RCOR1: variants seen among roughly 807,000 people sequenced by gnomAD.
The protein encoded by RCOR1 is REST corepressor.
A neutral mutation model predicts 64.0 loss-of-function variants in RCOR1; 12 were observed. The ratio of observed to expected loss-of-function variants is 0.19; its 90% CI spans 0.12 to 0.30. The LOEUF is 0.30. RCOR1 is among the 10% of genes least tolerant of loss of function. The pLI is 1.00. For missense variants in RCOR1, 502 were observed against 621.2 expected (o/e 0.81, Z 2.04); for synonymous variants, 279 against 227.2 (o/e 1.23, Z -2.05).
At chr14:102,593,773 GCTC>G (rs1324904556) in intron 2 of RCOR1, among the ~76,000 whole-genome samples, 8 of 152,164 alleles carry the variant, frequency 5.3e-5, no homozygotes, top group Non-Finnish European at 1.2e-4. Flanking sequence ...CCACGCCTTT[GCTC>G]CTCCTCTCAG....
chr14:102,647,328 TCTTTTTTGAGATGGAGTCTCG>T (rs1894497266), intron 2 of RCOR1, among the ~76,000 whole-genome samples: 1 of 152,134 alleles, frequency 6.6e-6, no homozygotes, highest in African/African-American at 2.4e-5. Flanking sequence ...TTTTTTTTCT[TCTTTTTTGAGATGGAGTCTCG>T]CTCTTTCGCT....
In RCOR1 at chr14:102,606,843, G is replaced by T. The variant is rs1472909597; in HGVS notation, c.361+13518G>T. 4.6e-5 allele frequency among the ~76,000 whole-genome samples: 7 copies of T among 151,396 alleles called. 1 individual carries two copies. Among genetic ancestry groups the T allele is most frequent in the Admixed American group, 3.3e-4 (5 of 15,108 alleles). ...ATAAACTCGTCAGAGCTAAATAGGG[G>T]CTGAATTTTCTAAGAATATGTGCTT... On this transcript the variant is annotated intron_variant, in intron 2 of 11. Coordinates refer to ENST00000262241, the MANE Select transcript of RCOR1 (RefSeq NM_015156.4).
intron 2 of RCOR1, among the ~76,000 whole-genome samples, chr14:102,677,979 A>C (rs1895224372): frequency 6.6e-6 from 1 of 150,826 alleles, no homozygotes; most frequent in Non-Finnish European, 1.5e-5. Flanking sequence ...CTGGCGGATC[A>C]CTCGCGGTTA....
chr14:102,668,175 C>G (rs950326438), intron 2 of RCOR1, among the ~76,000 whole-genome samples: 1 of 152,166 alleles, frequency 6.6e-6, no homozygotes, highest in African/African-American at 2.4e-5. Flanking sequence ...ACATCACATC[C>G]TCTCTTCTGT....
chr14:102,713,860 TG>T (rs981147248), intron 7 of RCOR1, among the ~76,000 whole-genome samples: 1 of 152,246 alleles, frequency 6.6e-6, no homozygotes, highest in African/African-American at 2.4e-5. Flanking sequence ...AAAAACTTCT[TG>T]TTCTTAAAAT....
Position 102,721,381 on chromosome 14 carries a change from G to T in RCOR1, c.1189+4G>T. The T allele has an allele frequency of 1.2e-6, 2 of 1,611,934 alleles. No homozygotes were observed. Among genetic ancestry groups the T allele is most frequent in the South Asian group, 2.2e-5 (2 of 90,970 alleles). ...GAGCAGCTTCTCGCCGTACAAGGTA[G>T]GGGGAAGTTCTTCTAAAGAGTTTAG... On this transcript the variant is annotated splice_donor_region_variant and intron_variant, in intron 10 of 11. Coordinates refer to ENST00000262241, the MANE Select transcript of RCOR1 (RefSeq NM_015156.4).
intron 2 of RCOR1, among the ~76,000 whole-genome samples, chr14:102,641,078 C>G (rs1288917538): frequency 1.3e-5 from 2 of 151,622 alleles, no homozygotes; most frequent in African/African-American, 4.9e-5. Context: ...ATGTTGAAAC[C>G]CCATCTCTAC....
Position 102,727,550 on chromosome 14 carries a change from C to T in RCOR1, c.*1044C>T, listed in dbSNP as rs926251231. The T allele has an allele frequency of 8.6e-5, 13 of 151,888 alleles. No homozygotes were observed. Among genetic ancestry groups the T allele is most frequent in the African/African-American group, 2.9e-4 (12 of 41,262 alleles). The allele number at this position is 151,888 out of a possible 1,614,324, so 9.4% of individuals were successfully genotyped here. A position where few individuals can be genotyped will look rare whatever the true frequency, so the allele number is the denominator to read the frequency against. ...AGCTGGCGCTGGTTTATGAAAGCTG[C>T]GCGTTGTTCCGCGTTCTCTCGGTGT... is the stretch of plus-strand genomic sequence containing the variant. On this transcript the variant is annotated 3_prime_UTR_variant, in exon 12 of 12. Transcript: ENST00000262241.
chr14:102,676,288 CGGG>C (rs1895150366), intron 2 of RCOR1, among the ~76,000 whole-genome samples: 1 of 144,896 alleles, frequency 6.9e-6, no homozygotes, highest in Non-Finnish European at 1.5e-5. Flanking sequence ...TAGGGGCGGC[CGGG>C]CAGAAGCGCC....
At chr14:102,641,715 G>A (rs1306740827) in intron 2 of RCOR1, among the ~76,000 whole-genome samples, 4 of 152,184 alleles carry the variant, frequency 2.6e-5, no homozygotes, top group Admixed American at 6.5e-5. Flanking sequence ...ACTCATATAA[G>A]GAAAGTGACG....
At chr14:102,623,426 T>TTTA (rs1567411696) in intron 2 of RCOR1, among the ~76,000 whole-genome samples, 5 of 130,698 alleles carry the variant, frequency 3.8e-5, no homozygotes, top group Admixed American at 1.5e-4. Context: ...TTATTTATTT[T>TTTA]GAGACGGAGT....
chr14:102,673,334 A>ATTT lies in RCOR1; in HGVS notation c.362-8543_362-8541dup, dbSNP rs34576884. Among the ~76,000 whole-genome samples, 4 of 127,538 alleles carry ATTT rather than the reference A, an allele frequency of 3.1e-5. No homozygotes were observed. In the South Asian group the frequency reaches 7.5e-4, roughly 24 times the overall value. The allele number at this position is 127,538 out of a possible 152,430, so 83.7% of individuals were successfully genotyped here. A position where few individuals can be genotyped will look rare whatever the true frequency, so the allele number is the denominator to read the frequency against. On this transcript the variant is annotated intron_variant, in intron 2 of 11. Transcript: ENST00000262241. Reference sequence around the variant, plus strand: ...CATACCACGGTTTATCCAATCCCTGATTTTTTTTTTTTTTTTTTTTAAGAC... The same window carrying ATTT: ...CATACCACGGTTTATCCAATCCCTGATTTTTTTTTTTTTTTTTTTTTTTAAGAC...
chr14:102,658,980 G>T, intron 2 of RCOR1: 1 of 365,806 alleles, frequency 2.7e-6, no homozygotes, highest in Non-Finnish European at 3.8e-6. Context: ...TTATTTTTTT[G>T]GAAACAAGTT....
Position 102,627,509 on chromosome 14 carries a change from T to A in RCOR1, c.361+34184T>A, listed in dbSNP as rs2139906116. On this transcript the variant is annotated intron_variant, in intron 2 of 11. Coordinates refer to ENST00000262241, the MANE Select transcript of RCOR1 (RefSeq NM_015156.4). ...CCATCTCTACTAAAAATACAAAAAT[T>A]AGCTGGGCGTGGTGGCGGGTGCCTG... Among the ~76,000 whole-genome samples the A allele has an allele frequency of 1.3e-5, 2 of 152,158 alleles. 1 individual carries two copies. The highest frequency in any genetic ancestry group is 4.2e-4 in the South Asian group (2 of 4,818).
intron 2 of RCOR1, among the ~76,000 whole-genome samples, chr14:102,597,628 C>CTGTT (rs1893287110): frequency 2.2e-5 from 1 of 44,950 alleles, no homozygotes; most frequent in South Asian, 1.5e-3. Flanking sequence ...TGCGCCCGAC[C>CTGTT]TTTTTTTTTT....
intron 2 of RCOR1, among the ~76,000 whole-genome samples, chr14:102,670,005 C>T (rs1249102293): frequency 6.6e-6 from 1 of 152,188 alleles, no homozygotes; most frequent in Non-Finnish European, 1.5e-5. Flanking sequence ...GGCTGGAGTG[C>T]AGTGGTGTGA....
chr14:102,678,186 G>A (rs945887564), intron 2 of RCOR1, among the ~76,000 whole-genome samples: 8 of 152,004 alleles, frequency 5.3e-5, no homozygotes, highest in East Asian at 3.9e-4. Flanking sequence ...ATCAGAGGGA[G>A]ACCGTGGAAG....
At chr14:102,631,024 A>G (rs1180167153) in intron 2 of RCOR1, among the ~76,000 whole-genome samples, 1 of 152,068 alleles carries the variant, frequency 6.6e-6, no homozygotes, top group African/African-American at 2.4e-5. Context: ...CAGGGCAAAC[A>G]TTCCCAGAGG....
chr14:102,670,361 A>G (rs1232079000), intron 2 of RCOR1, among the ~76,000 whole-genome samples: 1 of 152,202 alleles, frequency 6.6e-6, no homozygotes, highest in African/African-American at 2.4e-5. Flanking sequence ...TATGACAATG[A>G]CATCTATAAT....
Sources: gnomAD v4.1 joint callset for allele counts (sites outside exome capture counted in the v4.1 genomes callset) on GRCh38, gnomAD v4.1.1 for gene constraint, MANE v1.5 for transcripts, NCBI Gene and HGNC (gene_info 2026-07-23, HGNC 2026-07-21) for gene names.